Variants in DOK6 observed in about 807,000 individuals in gnomAD.
DOK6 encodes the protein docking protein 6.
In DOK6, 22 loss-of-function variants were observed where a neutral mutation model predicts 44.0. The observed-to-expected ratio is 0.50, with a 90% CI of 0.36 to 0.71. The LOEUF (loss-of-function observed/expected upper bound fraction) is 0.71, where lower values mean the gene tolerates loss of function less well. Among genes scored for constraint, DOK6 ranks in the 30% least tolerant of loss-of-function variants. The probability of loss-of-function intolerance (pLI) is 0.00; values close to 1 mark genes in which losing one functional copy is unlikely to be tolerated. For missense variants in DOK6, 340 were observed against 416.4 expected (o/e 0.82, Z 1.60); for synonymous variants, 166 against 145.5 (o/e 1.14, Z -1.01).
At chr18:69,472,226 A>G (rs1197914774) in intron 1 of DOK6, among the ~76,000 whole-genome samples, 2 of 152,212 alleles carry the variant, frequency 1.3e-5, no homozygotes, top group African/African-American at 2.4e-5. Flanking sequence ...GATATAATAA[A>G]AACAGGTGGG....
chr18:69,482,275 G>GGCA (rs1980447593), intron 1 of DOK6, among the ~76,000 whole-genome samples: 1 of 152,080 alleles, frequency 6.6e-6, no homozygotes, highest in Admixed American at 6.6e-5. Flanking sequence ...TGCTTTTGGT[G>GGCA]TTTTAGACAT....
intron 1 of DOK6, among the ~76,000 whole-genome samples, chr18:69,562,050 C>T (rs988261503): frequency 6.6e-6 from 1 of 152,106 alleles, no homozygotes; most frequent in African/African-American, 2.4e-5. Context: ...GCAAAGAATA[C>T]ACTAGATTTT....
At chr18:69,409,195 A>G (rs563281728) in intron 1 of DOK6, among the ~76,000 whole-genome samples, 135 of 152,272 alleles carry the variant, frequency 8.9e-4, no homozygotes, top group Admixed American at 2.4e-3. Context: ...GGTGCCTTCC[A>G]CCATGATTGT....
chr18:69,402,954 C>T (rs748570608), intron 1 of DOK6, among the ~76,000 whole-genome samples: 2 of 152,200 alleles, frequency 1.3e-5, no homozygotes, highest in African/African-American at 4.8e-5. Flanking sequence ...AAGTCTGTCA[C>T]CACACAGCTG....
At chr18:69,634,784 A>G (rs1208283226) in intron 3 of DOK6, among the ~76,000 whole-genome samples, 1 of 152,198 alleles carries the variant, frequency 6.6e-6, no homozygotes, top group East Asian at 1.9e-4. Context: ...AATAAGCACA[A>G]TGAACAAAAA....
chr18:69,655,395 T>A (rs1054240353), intron 3 of DOK6, among the ~76,000 whole-genome samples: 3 of 152,074 alleles, frequency 2.0e-5, no homozygotes, highest in Non-Finnish European at 4.4e-5. Context: ...AAGGATTAAA[T>A]AAAATTAGTC....
intron 1 of DOK6, among the ~76,000 whole-genome samples, chr18:69,520,456 T>G (rs138279139): frequency 2.6e-4 from 39 of 151,982 alleles, no homozygotes; most frequent in Non-Finnish European, 8.8e-5. Context: ...GTTTTAGATG[T>G]TTTCTGCTGC....
intron 7 of DOK6, among the ~76,000 whole-genome samples, chr18:69,814,851 T>C (rs1040169665): frequency 2.0e-5 from 3 of 152,100 alleles, no homozygotes; most frequent in Admixed American, 2.0e-4. Flanking sequence ...GAGATTACAA[T>C]TCAAGATGAG....
At chr18:69,578,877 T>C (rs1983298571) in intron 2 of DOK6, among the ~76,000 whole-genome samples, 1 of 17,370 alleles carries the variant, frequency 5.8e-5, no homozygotes, top group Admixed American at 1.6e-3. Context: ...TGCACTTCAC[T>C]ATAAATATCT....
rs1985092078 is a variant in DOK6, at chr18:69,647,021, TC to T, written c.290-30712del. 2.0e-5 allele frequency among the ~76,000 whole-genome samples: 3 copies of T among 151,416 alleles called. 1 individual carries two copies. On this transcript the variant is annotated intron_variant, in intron 3 of 7. Transcript: ENST00000382713. Reference sequence around the variant, plus strand: ...ATCTATCTAATCTATCTACTCTATCTCATCTATCCATCTGTCTATCCTGTCT... The same window carrying T: ...ATCTATCTAATCTATCTACTCTATCTATCTATCCATCTGTCTATCCTGTCT...
At chr18:69,442,022 A>T (rs1599132886) in intron 1 of DOK6, among the ~76,000 whole-genome samples, 1 of 152,254 alleles carries the variant, frequency 6.6e-6, no homozygotes, top group East Asian at 1.9e-4. Flanking sequence ...AGATAGAGGT[A>T]AGAGAACAAG....
chr18:69,466,933 T>A (rs1239541768), intron 1 of DOK6, among the ~76,000 whole-genome samples: 2 of 152,180 alleles, frequency 1.3e-5, no homozygotes, highest in Non-Finnish European at 2.9e-5. Context: ...AAATAGTAAC[T>A]TTCTTTCATT....
chr18:69,604,242 TA>T (rs1983944020), intron 3 of DOK6, among the ~76,000 whole-genome samples: 1 of 152,234 alleles, frequency 6.6e-6, no homozygotes, highest in Non-Finnish European at 1.5e-5. Flanking sequence ...TTCTGTTTTT[TA>T]AAAATTTTCG....
intron 1 of DOK6, among the ~76,000 whole-genome samples, chr18:69,499,106 C>T (rs1980978661): frequency 1.3e-5 from 2 of 151,764 alleles, no homozygotes; most frequent in Non-Finnish European, 2.9e-5. Context: ...GTGTAAATGC[C>T]ATTATGCTGA....
intron 5 of DOK6, among the ~76,000 whole-genome samples, chr18:69,709,509 A>G (rs1755244476): frequency 6.6e-6 from 1 of 152,174 alleles, no homozygotes; most frequent in African/African-American, 2.4e-5. Flanking sequence ...AGGAGGGTCA[A>G]AATTATAGTT....
intron 7 of DOK6, among the ~76,000 whole-genome samples, chr18:69,802,195 C>G (rs1980922813): frequency 6.6e-6 from 1 of 152,124 alleles, no homozygotes; most frequent in South Asian, 2.1e-4. Context: ...CCCCTGAGAA[C>G]AGAAATGGTG....
At chr18:69,786,995 C>A (rs532566911) in intron 7 of DOK6, among the ~76,000 whole-genome samples, 1 of 152,278 alleles carries the variant, frequency 6.6e-6, no homozygotes, top group African/African-American at 2.4e-5. Context: ...GCAGGCAGAT[C>A]ACTTGAGGTC....
intron 5 of DOK6, among the ~76,000 whole-genome samples, chr18:69,718,214 T>C (rs1260997997): frequency 6.6e-6 from 1 of 152,154 alleles, no homozygotes; most frequent in Non-Finnish European, 1.5e-5. Context: ...TAATTTTGAA[T>C]GGGTAGAAGG....
chr18:69,712,067 G>A (rs1279088720), intron 5 of DOK6, among the ~76,000 whole-genome samples: 6 of 150,546 alleles, frequency 4.0e-5, no homozygotes, highest in Admixed American at 1.3e-4. Context: ...GGATCACGAG[G>A]TCAGGAGATC....
Sources: gnomAD v4.1 joint callset for allele counts (sites outside exome capture counted in the v4.1 genomes callset) on GRCh38, gnomAD v4.1.1 for gene constraint, MANE v1.5 for transcripts, NCBI Gene and HGNC (gene_info 2026-07-23, HGNC 2026-07-21) for gene names.